The following FRMPD4 variants were observed in gnomAD, a reference collection of about 807,000 sequenced individuals.
FRMPD4 encodes the protein FERM and PDZ domain containing 4.
In FRMPD4, 22 loss-of-function variants were observed where a neutral mutation model predicts 94.1. The observed-to-expected ratio is 0.23, with a 90% CI of 0.17 to 0.33. The LOEUF (loss-of-function observed/expected upper bound fraction) is 0.33. Among genes scored for constraint, FRMPD4 ranks in the 10% least tolerant of loss-of-function variants. The pLI is 1.00. For missense variants in FRMPD4, 1,111 were observed against 1,339.9 expected (o/e 0.83, Z 2.67); for synonymous variants, 631 against 548.6 (o/e 1.15, Z -2.10).
intron 1 of FRMPD4, among the ~76,000 whole-genome samples, chrX:12,405,376 T>G (rs1295494560): frequency 9.0e-6 from 1 of 111,246 alleles, no homozygotes; most frequent in African/African-American, 3.3e-5. Flanking sequence ...TGAACTTTTT[T>G]TTTTAATTTT....
At chrX:12,169,216 C>T (rs947487188) in intron 1 of FRMPD4, among the ~76,000 whole-genome samples, 3 of 111,518 alleles carry the variant, frequency 2.7e-5, no homozygotes, top group African/African-American at 6.5e-5. Flanking sequence ...GCATGATCCC[C>T]CTAAATACAA....
At chrX:12,061,836 C>T (rs1346686233) in intron 3 of FRMPD4, among the ~76,000 whole-genome samples, 1 of 111,151 alleles carries the variant, frequency 9.0e-6, no homozygotes, top group African/African-American at 3.3e-5. Context: ...AACTCAAGGT[C>T]AAACATATAT....
At chrX:12,252,859 T>C (rs5935281) in intron 1 of FRMPD4, among the ~76,000 whole-genome samples, 51,558 of 110,124 alleles carry the variant, frequency 0.47, 8,721 homozygotes, top group African/African-American at 0.5. Flanking sequence ...TGTATTTCAC[T>C]ACTTTAGACA....
chrX:11,844,855 C>G (rs991945447), intron 1 of FRMPD4, among the ~76,000 whole-genome samples: 1 of 111,626 alleles, frequency 9.0e-6, no homozygotes, highest in Non-Finnish European at 1.9e-5. Flanking sequence ...TTGATGTTGT[C>G]CCACAAATTT....
intron 1 of FRMPD4, among the ~76,000 whole-genome samples, chrX:12,249,545 A>T: frequency 9.0e-6 from 1 of 111,039 alleles, no homozygotes; most frequent in Middle Eastern, 4.6e-3. Context: ...TAAAGAGGAG[A>T]GAGGTTTGCT....
At chrX:11,929,905 C>T (rs960679560) in intron 3 of FRMPD4, among the ~76,000 whole-genome samples, 3 of 108,677 alleles carry the variant, frequency 2.8e-5, no homozygotes, top group Non-Finnish European at 5.7e-5. Flanking sequence ...GTCAGGAGTT[C>T]GAGACCAGCC....
chrX:12,717,403 G>A (rs2042111880), intron 15 of FRMPD4, 98 bp from the exon 16 acceptor site: 1 of 602,807 alleles, frequency 1.7e-6, no homozygotes, highest in Non-Finnish European at 2.6e-6. Context: ...GGAAAAACTT[G>A]GTATTTTGTT....
Position 12,646,266 on chromosome X carries a change from AG to A in FRMPD4, c.423-28596del, listed in dbSNP as rs757775598. On this transcript the variant is annotated intron_variant, in intron 4 of 16. Coordinates refer to ENST00000675598, the MANE Select transcript of FRMPD4 (RefSeq NM_001368397.1). ...ATAGCCAGCCCAAATGCAGACTGTA[AG>A]TCCTATTAATATAAAACAGAAAGGT... Among the ~76,000 whole-genome samples, 4 of 112,066 alleles carry A rather than the reference AG, an allele frequency of 3.6e-5. No homozygotes were observed. The East Asian group carries it at 1.1e-3, about 31-fold the overall frequency.
At chrX:11,948,599 C>T in intron 3 of FRMPD4, among the ~76,000 whole-genome samples, 1 of 111,258 alleles carries the variant, frequency 9.0e-6, no homozygotes, top group African/African-American at 3.3e-5. Context: ...AATGTCAGAG[C>T]TCTTGGAAAG....
chrX:12,418,009 A>C (rs768992251), intron 1 of FRMPD4, among the ~76,000 whole-genome samples: 85 of 108,722 alleles, frequency 7.8e-4, no homozygotes, highest in African/African-American at 1.0e-3. Context: ...AAAAAAAAAA[A>C]AAACAAACAA....
At chrX:12,001,435 A>C (rs755810551) in intron 3 of FRMPD4, among the ~76,000 whole-genome samples, 1 of 112,267 alleles carries the variant, frequency 8.9e-6, no homozygotes, top group Admixed American at 9.4e-5. Context: ...TGTGATAGAT[A>C]GTTTAAATTA....
intron 2 of FRMPD4, among the ~76,000 whole-genome samples, chrX:12,540,432 T>C (rs1396365213): frequency 9.0e-6 from 1 of 110,984 alleles, no homozygotes; most frequent in Non-Finnish European, 1.9e-5. Context: ...AAGGCAGGGA[T>C]TGCAATACTA....
chrX:12,607,403 C>T (rs994580530), intron 2 of FRMPD4, among the ~76,000 whole-genome samples: 1 of 111,886 alleles, frequency 8.9e-6, no homozygotes, highest in Non-Finnish European at 1.9e-5. Flanking sequence ...GGGGATAGCA[C>T]AATACTGGGG....
intron 2 of FRMPD4, among the ~76,000 whole-genome samples, chrX:12,584,558 G>GA (rs1402728983): frequency 6.4e-5 from 7 of 109,781 alleles, no homozygotes; most frequent in East Asian, 5.7e-4. Context: ...TACAAAGGAG[G>GA]AAAAAAAAAG....
chrX:12,479,359 C>CAT (rs2057644063), intron 1 of FRMPD4, among the ~76,000 whole-genome samples: 1 of 100,350 alleles, frequency 1.0e-5, no homozygotes, highest in African/African-American at 4.0e-5. Context: ...TATATATACA[C>CAT]ACACACACAT....
chrX:11,853,120 A>T (rs2053634819), intron 1 of FRMPD4, among the ~76,000 whole-genome samples: 2 of 112,352 alleles, frequency 1.8e-5, no homozygotes, highest in Non-Finnish European at 3.8e-5. Context: ...TTACATGGAA[A>T]TTGAATAACC....
intron 3 of FRMPD4, among the ~76,000 whole-genome samples, chrX:12,052,229 G>A (rs1478931625): frequency 8.9e-6 from 1 of 111,784 alleles, no homozygotes; most frequent in Non-Finnish European, 1.9e-5. Context: ...GTCAGGAGTA[G>A]AGTCAAATGA....
intron 2 of FRMPD4, among the ~76,000 whole-genome samples, chrX:11,871,147 G>A (rs891446896): frequency 3.6e-5 from 4 of 112,554 alleles, no homozygotes; most frequent in Admixed American, 1.9e-4. Flanking sequence ...AATATGAGTT[G>A]AAGAAAGATA....
At chrX:12,509,169 C>A (rs1431426053) in intron 2 of FRMPD4, among the ~76,000 whole-genome samples, 1 of 110,836 alleles carries the variant, frequency 9.0e-6, no homozygotes, top group African/African-American at 3.3e-5. Context: ...CTATGGAAAA[C>A]AGTATGGAGA....
Sources: gnomAD v4.1 joint callset for allele counts (sites outside exome capture counted in the v4.1 genomes callset) on GRCh38, gnomAD v4.1.1 for gene constraint, MANE v1.5 for transcripts, NCBI Gene and HGNC (gene_info 2026-07-23, HGNC 2026-07-21) for gene names.